Variants in LEKR1 observed in about 807,000 individuals in gnomAD.
The protein encoded by LEKR1 is leucine, glutamate and lysine rich 1.
A neutral mutation model predicts 72.4 loss-of-function variants in LEKR1; 59 were observed. The ratio of observed to expected loss-of-function variants is 0.82; its 90% CI spans 0.66 to 1.01. The LOEUF (loss-of-function observed/expected upper bound fraction) is 1.01. LEKR1 is among the 50% of genes least tolerant of loss of function. The pLI is 0.00. For missense variants in LEKR1, 728 were observed against 759.2 expected (o/e 0.96, Z 0.48); for synonymous variants, 257 against 263.2 (o/e 0.98, Z 0.23).
At chr3:156,910,162 CA>C (rs1422946501) in intron 3 of LEKR1, among the ~76,000 whole-genome samples, 1 of 152,012 alleles carries the variant, frequency 6.6e-6, no homozygotes, top group Non-Finnish European at 1.5e-5. Context: ...ATTTTAGATT[CA>C]GGGGGTACGT....
At chr3:156,993,372 T>C in intron 9 of LEKR1, 95 bp downstream of exon 9, 1 of 753,490 alleles carries the variant, frequency 1.3e-6, no homozygotes, top group East Asian at 2.5e-5. Flanking sequence ...ATTATAACAA[T>C]AGTGAAATCA....
chr3:156,952,584 G>A (rs1268540521), intron 6 of LEKR1, among the ~76,000 whole-genome samples: 1 of 151,324 alleles, frequency 6.6e-6, no homozygotes, highest in Non-Finnish European at 1.5e-5. Context: ...GATTGGGTTG[G>A]TGAGGCACTC....
intron 6 of LEKR1, among the ~76,000 whole-genome samples, chr3:156,968,047 A>T (rs982651400): frequency 4.6e-5 from 7 of 152,168 alleles, no homozygotes; most frequent in African/African-American, 1.7e-4. Context: ...TGAAGGAGAA[A>T]TAAAATCCTT....
At chr3:157,033,066 A>G (rs1734732481) in intron 12 of LEKR1, among the ~76,000 whole-genome samples, 1 of 152,142 alleles carries the variant, frequency 6.6e-6, no homozygotes, top group African/African-American at 2.4e-5. Flanking sequence ...TAATAGATAA[A>G]TGTTGTGTGT....
chr3:156,875,417 G>A (rs987054615), intron 3 of LEKR1, among the ~76,000 whole-genome samples: 1 of 152,116 alleles, frequency 6.6e-6, no homozygotes, highest in Non-Finnish European at 1.5e-5. Context: ...TGCAGATTCT[G>A]GATATTAGTC....
chr3:156,859,297 A>C (rs1162324831), intron 3 of LEKR1, among the ~76,000 whole-genome samples: 1 of 152,202 alleles, frequency 6.6e-6, no homozygotes, highest in African/African-American at 2.4e-5. Context: ...GGGGGTATAT[A>C]AAACCATCTT....
At chr3:156,855,745 A>G (rs963398443) in intron 3 of LEKR1, among the ~76,000 whole-genome samples, 1 of 152,206 alleles carries the variant, frequency 6.6e-6, no homozygotes, top group Non-Finnish European at 1.5e-5. Context: ...GTGATAGCTC[A>G]TTGAAAGAAA....
At chr3:156,840,156 G>T (rs549764251) in intron 2 of LEKR1, among the ~76,000 whole-genome samples, 2 of 152,162 alleles carry the variant, frequency 1.3e-5, no homozygotes, top group East Asian at 3.9e-4. Flanking sequence ...TGCATTAATT[G>T]AATGTTTATA....
chr3:156,897,845 C>T (rs1157059995), intron 3 of LEKR1, among the ~76,000 whole-genome samples: 6 of 151,280 alleles, frequency 4.0e-5, no homozygotes, highest in African/African-American at 9.7e-5. Flanking sequence ...TCCAGTTACT[C>T]GGGAGGCTAA....
At chr3:157,044,543 A>G (rs1443016937) in intron 12 of LEKR1, among the ~76,000 whole-genome samples, 2 of 152,214 alleles carry the variant, frequency 1.3e-5, no homozygotes, top group Admixed American at 6.5e-5. Context: ...GATCTATTAA[A>G]AAGTTCTTCC....
chr3:156,829,148 A>G, intron 1 of LEKR1, 138 bp from the exon 2 acceptor site: 1 of 530,442 alleles, frequency 1.9e-6, no homozygotes, highest in Non-Finnish European at 3.4e-6. Context: ...ACCTTCTAAC[A>G]TTGAGCTGAT....
chr3:156,937,757 G>C (rs1258773134), intron 5 of LEKR1, among the ~76,000 whole-genome samples: 1 of 152,100 alleles, frequency 6.6e-6, no homozygotes, highest in Non-Finnish European at 1.5e-5. Context: ...CCCCAAATTG[G>C]AAACAACCCA....
chr3:156,859,315 T>G (rs1220853493), intron 3 of LEKR1, among the ~76,000 whole-genome samples: 2 of 152,210 alleles, frequency 1.3e-5, no homozygotes, highest in Admixed American at 6.5e-5. Context: ...CTTTTTAGAT[T>G]TTATATGTTT....
intron 3 of LEKR1, among the ~76,000 whole-genome samples, chr3:156,865,935 A>G (rs965299586): frequency 1.3e-5 from 2 of 152,052 alleles, no homozygotes; most frequent in Non-Finnish European, 2.9e-5. Flanking sequence ...GCTGACCTCT[A>G]ATGGGGTTCC....
intron 5 of LEKR1, among the ~76,000 whole-genome samples, chr3:156,931,306 A>C (rs1725203074): frequency 6.6e-6 from 1 of 152,164 alleles, no homozygotes; most frequent in South Asian, 2.1e-4. Context: ...CAACATTATT[A>C]GCTCATCTGC....
chr3:156,875,992 C>CAAAAA (rs55816001), intron 3 of LEKR1, among the ~76,000 whole-genome samples: 176 of 70,052 alleles, frequency 2.5e-3, no homozygotes, highest in Non-Finnish European at 3.2e-3. Context: ...GACTCCATCT[C>CAAAAA]AAAAAAAAAA....
intron 4 of LEKR1, among the ~76,000 whole-genome samples, chr3:156,922,384 G>A (rs1485462417): frequency 3.3e-5 from 5 of 151,226 alleles, no homozygotes; most frequent in Non-Finnish European, 5.9e-5. Flanking sequence ...GTCTTGAAGA[G>A]GTAAAGGATT....
intron 3 of LEKR1, among the ~76,000 whole-genome samples, chr3:156,883,424 G>A (rs1361586259): frequency 6.6e-6 from 1 of 152,156 alleles, no homozygotes; most frequent in Non-Finnish European, 1.5e-5. Context: ...TAAGACTTTG[G>A]GGGACTGTTG....
intron 9 of LEKR1, among the ~76,000 whole-genome samples, chr3:157,001,274 C>G (rs1015567641): frequency 6.6e-6 from 1 of 152,142 alleles, no homozygotes; most frequent in Non-Finnish European, 1.5e-5. Flanking sequence ...GATTTCCTAT[C>G]CATCAACAGC....
Sources: gnomAD v4.1 joint callset for allele counts (sites outside exome capture counted in the v4.1 genomes callset) on GRCh38, gnomAD v4.1.1 for gene constraint, MANE v1.5 for transcripts, NCBI Gene and HGNC (gene_info 2026-07-23, HGNC 2026-07-21) for gene names.